The following ADAMTS7 variants were observed in gnomAD, a reference collection of about 807,000 sequenced individuals.
ADAMTS7 encodes A disintegrin and metalloproteinase with thrombospondin motifs 7.
Under a neutral mutation model 172.6 loss-of-function variants are expected in ADAMTS7, and 89 were observed. The observed-to-expected ratio is 0.52, with a 90% CI of 0.43 to 0.61. The LOEUF (loss-of-function observed/expected upper bound fraction) is 0.61, where lower values mean the gene tolerates loss of function less well. Ranked by LOEUF, ADAMTS7 falls within the 20% of genes least tolerant of loss-of-function variation. The pLI, the probability that ADAMTS7 is intolerant of heterozygous loss-of-function variation, is 0.00. For synonymous variants in ADAMTS7, 885 were observed against 978.4 expected (o/e 0.90, Z 1.78); for missense variants, 1,973 against 2,355.6 (o/e 0.84, Z 3.36).
At position 78,767,483 on chromosome 15, in the gene ADAMTS7, G is replaced by A. The variant is rs755032918; in HGVS notation, c.2755C>T (p.Leu919=). ...RSVGLDEQSA[L]EPPACEHLPR... is the part of the protein sequence containing the mutation. ...AGGTGTTCACAGGCGGGTGGCTCCAGGGCGCTCTGCTCATCCAGCCCCACG... is the reference window on the plus strand; with the variant it reads ...AGGTGTTCACAGGCGGGTGGCTCCAAGGCGCTCTGCTCATCCAGCCCCACG... Residue 919 remains leucine, a synonymous_variant, in exon 18 of 24, where the codon CTG becomes TTG. Transcript: ENST00000388820. The A allele has an allele frequency of 1.9e-6, 3 of 1,610,906 alleles. No individual in the cohort carries two copies. The highest frequency in any genetic ancestry group is 1.7e-5 in the Admixed American group (1 of 59,934).
In ADAMTS7 at chr15:78,765,768, G is replaced by T. The variant is rs1464112416; in HGVS notation, c.4143C>A (p.Ser1381Arg). 5 of 1,609,276 alleles carry T rather than the reference G, an allele frequency of 3.1e-6. No homozygotes were observed. Among genetic ancestry groups the T allele is most frequent in the Middle Eastern group, 2.2e-4 (1 of 4,450 alleles). ...CAGGGACTCTGTGGCTGTTGGCGGG[G>T]CTGTCCCAAGCTGGTGTGGACAGCA... ...SRLLSTPAWD[S>R]PANSHRVPET... Residue 1381 changes from serine (S) to arginine (R), a missense_variant, in exon 19 of 24, where the codon AGC (serine) becomes AGA (arginine). By Grantham distance (110) the Ser-to-Arg change is moderately radical (BLOSUM62 -1). Around this residue, in one of 8 missense-constraint regions of ADAMTS7, gnomAD observed 771 missense variants for 952.6 expected, o/e 0.81. Transcript: ENST00000388820.
At position 78,774,251 on chromosome 15, in the gene ADAMTS7, C is replaced by T; in HGVS notation, c.1926G>A (p.Glu642=). 3 of 1,582,766 alleles carry T rather than the reference C, an allele frequency of 1.9e-6. No homozygotes were observed. Among genetic ancestry groups the T allele is most frequent in the Non-Finnish European group, 2.6e-6 (3 of 1,173,666 alleles). ...CATCGACCACGGCGTCCCGCAGCTT[C>T]TCGGCAAAGTACTCATTCGCGGGCC... ...HCRPANEYFA[E]KLRDAVVDGT... is the part of the protein sequence containing the mutation. The change falls in exon 13 of 24, where the codon GAG becomes GAA. Residue 642 remains glutamate, a synonymous_variant. Coordinates refer to ENST00000388820, the MANE Select transcript of ADAMTS7 (RefSeq NM_014272.5).
chr15:78,788,107 T>C (rs891846424), intron 8 of ADAMTS7, 124 bp downstream of exon 8: 19 of 1,307,266 alleles, frequency 1.5e-5, no homozygotes, highest in African/African-American at 4.4e-5. Context: ...CTTGACCTCA[T>C]GTATCAAGAT....
At position 78,768,169 on chromosome 15, in the gene ADAMTS7, T is replaced by C. The variant is rs1264823833; in HGVS notation, c.2609A>G (p.Gln870Arg). The part of the protein sequence containing the change: ...HCDPLGRPDD[Q>R]QRKCSEQPCP... ...GGGCTGCTCGCTGCACTTCCTCTGT[T>C]GGTCATCAGGCCGGCCCAGGGGGTC... The change falls in exon 17 of 24, where the codon CAA (glutamine) becomes CGA (arginine). Residue 870 changes from glutamine to arginine, a missense_variant. Physicochemically the swap from Gln to Arg is conservative, Grantham distance 43 (BLOSUM62 1). Transcript: ENST00000388820. 6.4e-7 allele frequency: 1 copy of C among 1,573,390 alleles called. No homozygotes were observed. Among genetic ancestry groups the C allele is most frequent in the Non-Finnish European group, 8.6e-7 (1 of 1,163,724 alleles).
chr15:78,778,230 C>T (rs1204596360), intron 8 of ADAMTS7, among the ~76,000 whole-genome samples: 4 of 152,226 alleles, frequency 2.6e-5, no homozygotes, highest in African/African-American at 9.6e-5. Context: ...CACAAGCAGG[C>T]GCCATCTGTG....
In ADAMTS7 at chr15:78,797,929, TG is replaced by T; in HGVS notation, c.622+18del. ...CCAGGCCCAGCACCCACCCGAGAAC[TG>T]GGAGCAGAAGAGCATACCTTGCACT... On this transcript the variant is annotated intron_variant, in intron 3 of 23. Coordinates refer to ENST00000388820, the MANE Select transcript of ADAMTS7 (RefSeq NM_014272.5). 6.3e-7 allele frequency: 1 copy of T among 1,586,752 alleles called. No individual in the cohort carries two copies. Among genetic ancestry groups the T allele is most frequent in the Non-Finnish European group, 8.5e-7 (1 of 1,171,162 alleles).
intron 11 of ADAMTS7, among the ~76,000 whole-genome samples, chr15:78,775,722 G>A (rs2055332902): frequency 6.6e-6 from 1 of 152,214 alleles, no homozygotes; most frequent in Non-Finnish European, 1.5e-5. Flanking sequence ...CACTACAGAT[G>A]AGCTGCAGGG....
rs770772232 is a variant in ADAMTS7, at chr15:78,762,494, G to A, written c.4812C>T (p.Pro1604=). Reference sequence around the variant, plus strand: ...GGCCACACTGGTCACTGTCTTCCTCGGGCAGCCCTGTCTGGGTGTTGACAC... The same window carrying A: ...GGCCACACTGGTCACTGTCTTCCTCAGGCAGCCCTGTCTGGGTGTTGACAC... ...VKCVNTQTGL[P]EEDSDQCGHE... The change falls in exon 23 of 24, where the codon CCC becomes CCT. Residue 1604 remains proline (P), a synonymous_variant. Transcript: ENST00000388820. The A allele has an allele frequency of 2.2e-5, 35 of 1,588,978 alleles. No individual in the cohort carries two copies. The highest frequency in any genetic ancestry group is 1.8e-4 in the Middle Eastern group (1 of 5,516).
rs1473554185 is a variant in ADAMTS7, at chr15:78,763,805, A to G, written c.4634T>C (p.Val1545Ala). 1 of 1,583,864 alleles carries G rather than the reference A, an allele frequency of 6.3e-7. No individual in the cohort carries two copies. Among genetic ancestry groups the G allele is most frequent in the Non-Finnish European group, 8.6e-7 (1 of 1,167,526 alleles). The change falls in exon 22 of 24, where the codon GTG becomes GCG. Residue 1545 changes from valine (V) to alanine (A), a missense_variant. By Grantham distance (64) the Val-to-Ala change is moderately conservative. This residue lies in a region of ADAMTS7 where 218 missense variants were observed against 216.9 expected (regional missense o/e 1.01). Transcript: ENST00000388820. ...GCAGAGGCCTGGCTCCGGGCAGGTCACTAGACGCTGCTGCTCACCACCGCC... is the reference window on the plus strand; with the variant it reads ...GCAGAGGCCTGGCTCCGGGCAGGTCGCTAGACGCTGCTGCTCACCACCGCC... ...ACGGGEQQRL[V>A]TCPEPGLCEE...
intron 8 of ADAMTS7, among the ~76,000 whole-genome samples, chr15:78,784,406 G>C (rs1291467746): frequency 9.2e-6 from 1 of 108,348 alleles, no homozygotes; most frequent in Non-Finnish European, 2.1e-5. Context: ...GAGAGGAAGA[G>C]GGGGGAGGGA....
chr15:78,798,938 C>T (rs948612647), intron 2 of ADAMTS7, among the ~76,000 whole-genome samples: 2 of 152,102 alleles, frequency 1.3e-5, no homozygotes, highest in South Asian at 2.1e-4. Context: ...GGTATGAATG[C>T]GGAGTCCCCC....
At chr15:78,763,890 G>A in intron 21 of ADAMTS7, 36 bp downstream of exon 21, 4 of 1,566,440 alleles carry the variant, frequency 2.6e-6, no homozygotes, top group Non-Finnish European at 3.4e-6. Flanking sequence ...GGGTCTGAGG[G>A]CGTCCCCTCC....
chr15:78,760,168 C>T (rs145339333), intron 23 of ADAMTS7, among the ~76,000 whole-genome samples: 1,780 of 150,558 alleles, frequency 0.012, 132 homozygotes, highest in Admixed American at 0.093. Context: ...CCTTACAGGC[C>T]GTCAGCGGAA....
rs752626039 is a variant in ADAMTS7 at position 78,790,548 on chromosome 15, G to A, written c.1028+122C>T. 3.7e-5 allele frequency: 50 copies of A among 1,343,772 alleles called. 1 individual carries two copies. The highest frequency in any genetic ancestry group is 2.1e-4 in the East Asian group (9 of 42,328). 83.2% of individuals were successfully genotyped at this position (1,343,772 alleles called of 1,614,324 possible). On this transcript the variant is annotated intron_variant, in intron 6 of 23. Transcript: ENST00000388820. ...GAATCCAGCCTTGGGCCAAAGGTGC[G>A]CAAACTCTCCTCAAAATTGGGCTCC...
rs368424049 is a variant in ADAMTS7, at chr15:78,791,240, G to T, written c.820-17C>A. The T allele has an allele frequency of 6.8e-6, 11 of 1,609,212 alleles. No homozygotes were observed. The African/African-American group carries it at 1.5e-4, about 21-fold the overall frequency. On this transcript the variant is annotated splice_polypyrimidine_tract_variant and intron_variant, in intron 4 of 23. Transcript: ENST00000388820. ...GCCAGCCACCTGCCCAAGAGATGGG[G>T]GGGTCAGGTTGTCACGAGGATGAAG...
Position 78,766,628 on chromosome 15 carries a change from T to A in ADAMTS7, c.3283A>T (p.Thr1095Ser). 1 of 1,608,776 alleles carries A rather than the reference T, an allele frequency of 6.2e-7. No individual in the cohort carries two copies. Among genetic ancestry groups the A allele is most frequent in the South Asian group, 1.1e-5 (1 of 90,642 alleles). ...DLDLAGTGDRTPPPHSHPAAP... is the reference protein window; with the variant it reads ...DLDLAGTGDRSPPPHSHPAAP... ...GCAGGATGGCTGTGTGGTGGGGGTG[T>A]CCGGTCCCCTGTCCCCGCCAGGTCT... The change falls in exon 19 of 24, where the codon ACA becomes TCA. Residue 1095 changes from threonine (T) to serine (S), a missense_variant. This residue lies in a region of ADAMTS7 where 771 missense variants were observed against 952.6 expected (regional missense o/e 0.81). Coordinates refer to ENST00000388820, the MANE Select transcript of ADAMTS7 (RefSeq NM_014272.5).
chr15:78,771,951 A>G lies in ADAMTS7; in HGVS notation c.2132-122T>C. ...GCTGATGCCAAAGCTTTAAAGTCTGAGCTCCCTAAATTGCTCGGATCTGTC... is the reference window on the plus strand; with the variant it reads ...GCTGATGCCAAAGCTTTAAAGTCTGGGCTCCCTAAATTGCTCGGATCTGTC... On this transcript the variant is annotated intron_variant, in intron 14 of 23. Transcript: ENST00000388820. The surrounding 1 kb of genome is among the most constrained non-coding windows in gnomAD (Gnocchi z 4.9). 7.1e-7 allele frequency: 1 copy of G among 1,413,232 alleles called. No homozygotes were observed. The allele number at this position is 1,413,232 out of a possible 1,614,324, so 87.5% of individuals were successfully genotyped here.
Position 78,766,862 on chromosome 15 carries a change from T to C in ADAMTS7, c.3049A>G (p.Asn1017Asp), listed in dbSNP as rs771517145. ...TGGTGCGGGATGAAGTCAGCCTCGTTGAAGAGCTCGTGGCTGGAGGAGCCG... is the reference window on the plus strand; with the variant it reads ...TGGTGCGGGATGAAGTCAGCCTCGTCGAAGAGCTCGTGGCTGGAGGAGCCG... ...GSGSSSHELF[N>D]EADFIPHHLA... is the part of the protein sequence containing the mutation. Residue 1017 changes from asparagine to aspartate, a missense_variant, in exon 19 of 24, where the codon AAC becomes GAC. Coordinates refer to ENST00000388820, the MANE Select transcript of ADAMTS7 (RefSeq NM_014272.5). 6.2e-7 allele frequency: 1 copy of C among 1,609,816 alleles called. No homozygotes were observed. Among genetic ancestry groups the C allele is most frequent in the Non-Finnish European group, 8.5e-7 (1 of 1,179,208 alleles).
chr15:78,791,062 G>A, intron 5 of ADAMTS7, 78 bp downstream of exon 5: 1 of 1,504,936 alleles, frequency 6.6e-7, no homozygotes, highest in Non-Finnish European at 9.1e-7. Flanking sequence ...TCCATAAAGA[G>A]CAGCACAGGT....
Sources: allele counts gnomAD v4.1 joint callset (sites outside exome capture counted in the v4.1 genomes callset), GRCh38; gene constraint gnomAD v4.1.1; regional missense constraint gnomAD v4.1.1; non-coding constraint Gnocchi (gnomAD v3.1); transcripts MANE v1.5; gene names NCBI Gene and HGNC (gene_info 2026-07-23, HGNC 2026-07-21).